SYTL3: variants seen among roughly 807,000 people sequenced by gnomAD.
SYTL3 encodes the protein synaptotagmin like 3.
A neutral mutation model predicts 82.1 loss-of-function variants in SYTL3; 88 were observed. The observed-to-expected ratio is 1.07, with a 90% CI of 0.90 to 1.28. The LOEUF (loss-of-function observed/expected upper bound fraction) is 1.28, where lower values mean the gene tolerates loss of function less well. Ranked by LOEUF, SYTL3 falls within the 50% of genes most tolerant of loss-of-function variation. The probability of loss-of-function intolerance (pLI) is 0.00; values close to 1 mark genes in which losing one functional copy is unlikely to be tolerated. For synonymous variants in SYTL3, 311 were observed against 289.4 expected (o/e 1.07, Z -0.76); for missense variants, 831 against 757.6 (o/e 1.10, Z -1.14).
intron 16 of SYTL3, 72 bp downstream of exon 16, chr6:158,762,250 C>T (rs1260327566): frequency 2.1e-5 from 23 of 1,102,672 alleles, no homozygotes; most frequent in Middle Eastern, 2.0e-4. Context: ...GAACCTGCAG[C>T]GAACACTAAA....
At position 158,764,666 on chromosome 6, in the gene SYTL3, C is replaced by T. The variant is rs750891007; in HGVS notation, c.*62C>T. The T allele has an allele frequency of 3.2e-6, 4 of 1,236,344 alleles. No homozygotes were observed. Among genetic ancestry groups the T allele is most frequent in the African/African-American group, 3.0e-5 (2 of 67,622 alleles). 76.6% of individuals were successfully genotyped at this position (1,236,344 alleles called of 1,614,324 possible). On this transcript the variant is annotated 3_prime_UTR_variant, in exon 18 of 18. Transcript: ENST00000611299. ...GAGGCACTGTGCGTCTGCAGAGGGG[C>T]TACGAACCAGGTGCAGGGTCCCAGC...
At chr6:158,737,039 C>CAAAA (rs201499466) in intron 11 of SYTL3, among the ~76,000 whole-genome samples, 91 of 113,852 alleles carry the variant, frequency 8.0e-4, no homozygotes, top group South Asian at 6.7e-3. Context: ...CATTTCATGG[C>CAAAA]AAAAAAAAAA....
At chr6:158,750,888 C>T (rs1788300894) in intron 12 of SYTL3, among the ~76,000 whole-genome samples, 1 of 152,136 alleles carries the variant, frequency 6.6e-6, no homozygotes, top group South Asian at 2.1e-4. Context: ...CTCCATCTCC[C>T]AGGTACAAGC....
In SYTL3 at chr6:158,762,064, C is replaced by G. The variant is rs1790052052; in HGVS notation, c.1415-12C>G. ...GACATGGTTTGACAGTGAATACTGG[C>G]TTTCCTTCCAGGGACAGATCAGCCA... On this transcript the variant is annotated splice_polypyrimidine_tract_variant and intron_variant, in intron 15 of 17. Coordinates refer to ENST00000611299, the MANE Select transcript of SYTL3 (RefSeq NM_001242394.2). The G allele has an allele frequency of 3.1e-6, 5 of 1,603,662 alleles. No individual in the cohort carries two copies. Among genetic ancestry groups the G allele is most frequent in the Non-Finnish European group, 4.3e-6 (5 of 1,171,414 alleles).
chr6:158,706,647 A>G (rs1782135083), intron 6 of SYTL3, among the ~76,000 whole-genome samples: 1 of 152,184 alleles, frequency 6.6e-6, no homozygotes, highest in Non-Finnish European at 1.5e-5. Flanking sequence ...TGTTCACAGA[A>G]CTGGGAACAT....
chr6:158,722,627 C>G (rs1562423445), intron 10 of SYTL3, among the ~76,000 whole-genome samples: 1 of 151,958 alleles, frequency 6.6e-6, no homozygotes, highest in Non-Finnish European at 1.5e-5. Context: ...TATGAATGTA[C>G]AGTATTGACC....
chr6:158,720,097 A>G (rs1327633404), intron 10 of SYTL3, among the ~76,000 whole-genome samples: 1 of 151,058 alleles, frequency 6.6e-6, no homozygotes, highest in Non-Finnish European at 1.5e-5. Context: ...TCAAATAATA[A>G]TAAATTAAAA....
intron 2 of SYTL3, among the ~76,000 whole-genome samples, chr6:158,658,027 G>A (rs1017374231): frequency 4.6e-5 from 7 of 152,048 alleles, no homozygotes; most frequent in Non-Finnish European, 1.0e-4. Context: ...CAAGTAGGTG[G>A]GACTACAGGC....
intron 8 of SYTL3, among the ~76,000 whole-genome samples, chr6:158,709,085 T>A (rs1344946746): frequency 6.6e-6 from 1 of 152,104 alleles, no homozygotes; most frequent in Admixed American, 6.6e-5. Flanking sequence ...ATACAAAAAT[T>A]AGCTGGTCAT....
intron 6 of SYTL3, among the ~76,000 whole-genome samples, chr6:158,689,528 T>C (rs149952464): frequency 0.017 from 2,567 of 152,368 alleles, 32 homozygotes; most frequent in Middle Eastern, 0.041. Context: ...AGAAGTTTTT[T>C]GTTTGCTTGT....
At chr6:158,752,586 G>A (rs966444031) in intron 13 of SYTL3, among the ~76,000 whole-genome samples, 6 of 152,354 alleles carry the variant, frequency 3.9e-5, no homozygotes, top group African/African-American at 1.4e-4. Flanking sequence ...TGAGGGCAGA[G>A]ATGGGGCCAT....
At chr6:158,665,262 A>G (rs999227590) in intron 4 of SYTL3, 133 bp from the exon 5 acceptor site, 2 of 746,366 alleles carry the variant, frequency 2.7e-6, no homozygotes, top group East Asian at 5.4e-5. Context: ...TCACACAGCC[A>G]TGTTGGAGTC....
chr6:158,672,717 C>T (rs1464784133), intron 5 of SYTL3, among the ~76,000 whole-genome samples: 7 of 151,818 alleles, frequency 4.6e-5, no homozygotes, highest in East Asian at 1.9e-4. Context: ...CTGCAACCTC[C>T]GCCTCCTGGG....
intron 6 of SYTL3, among the ~76,000 whole-genome samples, chr6:158,702,057 G>C (rs1781367665): frequency 6.6e-6 from 1 of 151,966 alleles, no homozygotes. Flanking sequence ...ACTGTAGCCT[G>C]TCAGTCCTGG....
intron 12 of SYTL3, among the ~76,000 whole-genome samples, chr6:158,747,082 G>A (rs1787758584): frequency 6.6e-6 from 1 of 152,122 alleles, no homozygotes; most frequent in African/African-American, 2.4e-5. Context: ...TGCCTCCTGG[G>A]TTCAAGCAAT....
intron 11 of SYTL3, among the ~76,000 whole-genome samples, chr6:158,735,224 T>C (rs1374146862): frequency 6.6e-6 from 1 of 152,144 alleles, no homozygotes; most frequent in Non-Finnish European, 1.5e-5. Flanking sequence ...GGACTTTTTG[T>C]TGGAAAACAA....
chr6:158,705,768 A>T (rs1294024020), intron 6 of SYTL3, among the ~76,000 whole-genome samples: 2 of 141,046 alleles, frequency 1.4e-5, no homozygotes, highest in Admixed American at 1.4e-4. Context: ...GGGACCCAGG[A>T]ACAGGGTGAC....
chr6:158,730,196 A>C (rs1444474799), intron 11 of SYTL3, among the ~76,000 whole-genome samples: 1 of 152,180 alleles, frequency 6.6e-6, no homozygotes, highest in African/African-American at 2.4e-5. Context: ...ACCTATTTTT[A>C]AAAGTTTTAA....
intron 11 of SYTL3, chr6:158,726,163 A>G (rs1247809008): frequency 2.3e-6 from 1 of 428,208 alleles, no homozygotes; most frequent in Non-Finnish European, 4.6e-6. Context: ...TTGCCTTCAT[A>G]GCACAAGCTA....
Sources: gnomAD v4.1 joint callset for allele counts (sites outside exome capture counted in the v4.1 genomes callset) on GRCh38, gnomAD v4.1.1 for gene constraint, MANE v1.5 for transcripts, NCBI Gene and HGNC (gene_info 2026-07-23, HGNC 2026-07-21) for gene names.